SLC8A1: variants seen among roughly 807,000 people sequenced by gnomAD.
The protein encoded by SLC8A1 is solute carrier family 8 member A1.
A neutral mutation model predicts 68.3 loss-of-function variants in SLC8A1; 18 were observed. The observed-to-expected ratio is 0.26, with a 90% CI of 0.18 to 0.39. SLC8A1 has a LOEUF of 0.39. Among genes scored for constraint, SLC8A1 ranks in the 10% least tolerant of loss-of-function variants. The pLI, the probability that SLC8A1 is intolerant of heterozygous loss-of-function variation, is 1.00. For synonymous variants in SLC8A1, 475 were observed against 415.5 expected, an observed-to-expected ratio of 1.14 and a Z score of -1.74; for missense variants, 985 against 1,156.7, an observed-to-expected ratio of 0.85 and a Z score of 2.15.
chr2:40,294,043 G>C (rs556180119), intron 2 of SLC8A1, among the ~76,000 whole-genome samples: 83 of 152,200 alleles, frequency 5.5e-4, no homozygotes, highest in African/African-American at 1.9e-3. Context: ...TGAATGGTAA[G>C]AGGGAAACCA....
chr2:40,506,686 C>CTAATCTCATT (rs57563391), intron 1 of SLC8A1, among the ~76,000 whole-genome samples: 36,917 of 151,592 alleles, frequency 0.24, 5,379 homozygotes, highest in African/African-American at 0.42. Context: ...GTTTAAATCT[C>CTAATCTCATT]TAATCTCATT....
At position 40,147,917 on chromosome 2, in the gene SLC8A1, A is replaced by G. The variant is rs576117032; in HGVS notation, c.2162-8241T>C. ...CATCCTCCCAGGAGCCTGCTGCAGTAGGTATTATTTTCTCTGTTTTAGAGA... is the reference window on the plus strand; with the variant it reads ...CATCCTCCCAGGAGCCTGCTGCAGTGGGTATTATTTTCTCTGTTTTAGAGA... On this transcript the variant is annotated intron_variant, in intron 6 of 7. Coordinates refer to ENST00000406785, the Ensembl canonical transcript of SLC8A1. Among the ~76,000 whole-genome samples, 10 of 152,266 alleles carry G rather than the reference A, an allele frequency of 6.6e-5. No individual in the cohort carries two copies. The East Asian group carries it at 1.9e-3, about 29-fold the overall frequency.
chr2:40,421,068 T>TCACCAC (rs551749143), intron 2 of SLC8A1, among the ~76,000 whole-genome samples: 2 of 151,964 alleles, frequency 1.3e-5, no homozygotes, highest in African/African-American at 4.8e-5. Context: ...ATCACCATCA[T>TCACCAC]CACCACCACC....
intron 2 of SLC8A1, among the ~76,000 whole-genome samples, chr2:40,239,128 C>T (rs13414508): frequency 0.12 from 18,327 of 151,754 alleles, 1,175 homozygotes; most frequent in Non-Finnish European, 0.14. Flanking sequence ...CTACATCATA[C>T]CATAGTAATC....
intron 2 of SLC8A1, among the ~76,000 whole-genome samples, chr2:40,252,831 C>A (rs1340751925): frequency 0.011 from 1,551 of 138,798 alleles, 24 homozygotes; most frequent in African/African-American, 0.04. Flanking sequence ...TATGTATATA[C>A]ATGTGTATAC....
At chr2:40,509,008 T>A (rs1029708531) in intron 1 of SLC8A1, among the ~76,000 whole-genome samples, 1 of 152,152 alleles carries the variant, frequency 6.6e-6, no homozygotes, top group African/African-American at 2.4e-5. Context: ...GGGAAATAAA[T>A]CAATGGGATA....
At chr2:40,440,661 C>G (rs902909502) in intron 1 of SLC8A1, among the ~76,000 whole-genome samples, 5 of 152,112 alleles carry the variant, frequency 3.3e-5, no homozygotes, top group African/African-American at 1.2e-4. Context: ...ATCACATAAA[C>G]AGAACCAATG....
At chr2:40,453,299 G>C (rs956965189), upstream of SLC8A1, 14 of 152,194 alleles carry the variant, frequency 9.2e-5, no homozygotes, top group African/African-American at 3.1e-4. Flanking sequence ...TTGCCAAGGT[G>C]TGTGGGGGGG....
chr2:40,240,638 C>G (rs184676577), intron 2 of SLC8A1, among the ~76,000 whole-genome samples: 1 of 152,188 alleles, frequency 6.6e-6, no homozygotes, highest in Non-Finnish European at 1.5e-5. Flanking sequence ...CTATGCAAAG[C>G]CATATAAATC....
At chr2:40,157,721 G>A (rs1356257036) in intron 6 of SLC8A1, among the ~76,000 whole-genome samples, 4 of 152,176 alleles carry the variant, frequency 2.6e-5, no homozygotes, top group Admixed American at 6.5e-5. Flanking sequence ...ACAGCACCTC[G>A]TGGTACTGGA....
intron 2 of SLC8A1, among the ~76,000 whole-genome samples, chr2:40,403,875 G>C (rs1464898368): frequency 2.6e-5 from 4 of 152,180 alleles, no homozygotes; most frequent in Non-Finnish European, 1.5e-5. Flanking sequence ...ACTCCTGACA[G>C]TGCCATATGT....
intron 3 of SLC8A1, 39 bp from the exon 4 acceptor site, chr2:40,175,320 G>A (rs779026755): frequency 4.4e-6 from 7 of 1,597,482 alleles, no homozygotes; most frequent in East Asian, 2.2e-5. Flanking sequence ...CAGAATAAGA[G>A]ACCAGATGAA....
chr2:40,150,904 A>G (rs1444435942), intron 6 of SLC8A1, among the ~76,000 whole-genome samples: 1 of 152,134 alleles, frequency 6.6e-6, no homozygotes, highest in Non-Finnish European at 1.5e-5. Context: ...CTACTGCTGC[A>G]TTTTTAGATC....
chr2:40,412,417 T>C (rs1576270445), intron 2 of SLC8A1, among the ~76,000 whole-genome samples: 1 of 152,170 alleles, frequency 6.6e-6, no homozygotes, highest in Admixed American at 6.6e-5. Context: ...CCATTTATGG[T>C]ATATTAGGCA....
exon 8 of SLC8A1, chr2:40,104,060 G>C (rs931656506): frequency 6.6e-6 from 1 of 152,200 alleles, no homozygotes; most frequent in Non-Finnish European, 1.5e-5. Context: ...CTCACCCTCT[G>C]AAACAATTAA....
chr2:40,127,571 A>C (rs2038403423), intron 7 of SLC8A1, among the ~76,000 whole-genome samples: 1 of 152,222 alleles, frequency 6.6e-6, no homozygotes, highest in Non-Finnish European at 1.5e-5. Context: ...ATAACTCAGG[A>C]ATCACAGGCT....
chr2:40,239,220 A>G (rs2060872372), intron 2 of SLC8A1, among the ~76,000 whole-genome samples: 1 of 152,168 alleles, frequency 6.6e-6, no homozygotes, highest in Non-Finnish European at 1.5e-5. Context: ...AAAAGTGAAC[A>G]CAGTACCCCA....
At chr2:40,304,644 G>C (rs1310620454) in intron 2 of SLC8A1, among the ~76,000 whole-genome samples, 1 of 152,154 alleles carries the variant, frequency 6.6e-6, no homozygotes, top group African/African-American at 2.4e-5. Flanking sequence ...GAACTGCCTA[G>C]AGTCTCGTCG....
chr2:40,369,026 A>G (rs1378790280), intron 2 of SLC8A1, among the ~76,000 whole-genome samples: 3 of 152,030 alleles, frequency 2.0e-5, no homozygotes, highest in Non-Finnish European at 2.9e-5. Context: ...TCACCATACA[A>G]AGAAACTAAC....
Sources: gnomAD v4.1 joint callset for allele counts (sites outside exome capture counted in the v4.1 genomes callset) on GRCh38, gnomAD v4.1.1 for gene constraint, MANE v1.5 for transcripts, NCBI Gene and HGNC (gene_info 2026-07-23, HGNC 2026-07-21) for gene names.